Variants in EPHB1 observed in about 807,000 individuals in gnomAD.
EPHB1 encodes the protein EPH receptor B1.
In EPHB1, 30 loss-of-function variants were observed where a neutral mutation model predicts 94.4. The ratio of observed to expected loss-of-function variants is 0.32; its 90% CI spans 0.24 to 0.43. The LOEUF is 0.43. Among genes scored for constraint, EPHB1 ranks in the 20% least tolerant of loss-of-function variants. EPHB1 has a pLI of 1.00. For missense variants in EPHB1, 1,055 were observed against 1,308.3 expected (o/e 0.81, Z 2.99); for synonymous variants, 522 against 489.1 (o/e 1.07, Z -0.89).
At chr3:135,056,656 T>C (rs1937358613) in intron 3 of EPHB1, among the ~76,000 whole-genome samples, 1 of 152,270 alleles carries the variant, frequency 6.6e-6, no homozygotes, top group African/African-American at 2.4e-5. Flanking sequence ...GTTAAATTCA[T>C]CTCTCTATTC....
At chr3:134,819,885 C>T (rs2036348462) in intron 1 of EPHB1, among the ~76,000 whole-genome samples, 2 of 152,198 alleles carry the variant, frequency 1.3e-5, no homozygotes, top group African/African-American at 2.4e-5. Flanking sequence ...TGGGTGGGCC[C>T]AGCGCAGGGG....
In EPHB1 at chr3:135,085,688, A is replaced by C. The variant is rs373479613; in HGVS notation, c.806-20760A>C. On this transcript the variant is annotated intron_variant, in intron 3 of 15. Transcript: ENST00000398015. ...TGCCCAGTGTTCCTCAGCACACACA[A>C]AGCTCACAGCCATGAGGCAGCTGGG... 1.9e-3 allele frequency among the ~76,000 whole-genome samples: 287 copies of C among 152,244 alleles called. 4 individuals are homozygous for C. The highest frequency in any genetic ancestry group is 6.7e-3 in the African/African-American group (278 of 41,544).
At chr3:135,253,351 A>C (rs1485479169) in intron 15 of EPHB1, among the ~76,000 whole-genome samples, 1 of 149,810 alleles carries the variant, frequency 6.7e-6, no homozygotes, top group African/African-American at 2.4e-5. Context: ...TTTAGGTCTA[A>C]CATTTAAGTC....
chr3:135,122,913 G>A (rs1489108982), intron 4 of EPHB1, among the ~76,000 whole-genome samples: 2 of 152,184 alleles, frequency 1.3e-5, no homozygotes, highest in Non-Finnish European at 2.9e-5. Context: ...TACAGGCCCA[G>A]TGTTTCCAAG....
At chr3:135,187,524 C>G (rs1942358041) in intron 10 of EPHB1, among the ~76,000 whole-genome samples, 1 of 152,136 alleles carries the variant, frequency 6.6e-6, no homozygotes, top group African/African-American at 2.4e-5. Context: ...CTTGTAGATA[C>G]TATATTAAAC....
chr3:134,872,063 T>C (rs56995571), intron 1 of EPHB1, among the ~76,000 whole-genome samples: 4,785 of 152,296 alleles, frequency 0.031, 255 homozygotes, highest in African/African-American at 0.11. Flanking sequence ...GATACTTTTT[T>C]GCTGTAAATT....
intron 12 of EPHB1, among the ~76,000 whole-genome samples, chr3:135,228,465 T>C (rs1245880575): frequency 6.6e-6 from 1 of 152,166 alleles, no homozygotes; most frequent in Non-Finnish European, 1.5e-5. Context: ...CTTTTGCCAA[T>C]TTATATTCTT....
At chr3:135,029,552 C>G (rs988627826) in intron 3 of EPHB1, among the ~76,000 whole-genome samples, 2 of 148,548 alleles carry the variant, frequency 1.3e-5, no homozygotes, top group African/African-American at 4.9e-5. Flanking sequence ...AATATTGGCC[C>G]CCACTCTCTT....
intron 4 of EPHB1, among the ~76,000 whole-genome samples, chr3:135,129,497 G>C (rs1940342879): frequency 6.6e-6 from 1 of 152,230 alleles, no homozygotes; most frequent in Non-Finnish European, 1.5e-5. Context: ...TCACGCTGGA[G>C]AGGGGTATAT....
chr3:134,960,069 T>TCC (rs1377839353), intron 3 of EPHB1, among the ~76,000 whole-genome samples: 1 of 142,540 alleles, frequency 7.0e-6, no homozygotes, highest in Non-Finnish European at 1.5e-5. Flanking sequence ...TTATACTGAA[T>TCC]CCAAGCCTGC....
intron 12 of EPHB1, among the ~76,000 whole-genome samples, chr3:135,237,069 C>T (rs1943673500): frequency 6.6e-6 from 1 of 152,102 alleles, no homozygotes; most frequent in South Asian, 2.1e-4. Context: ...ATGTCCCCAG[C>T]AGGGTACTGA....
chr3:135,240,518 G>C (rs1943755753), intron 12 of EPHB1, among the ~76,000 whole-genome samples: 1 of 152,164 alleles, frequency 6.6e-6, no homozygotes, highest in African/African-American at 2.4e-5. Flanking sequence ...CCACTGAAGG[G>C]CTGGCAGGAC....
At chr3:135,225,517 A>C (rs1212846466) in intron 12 of EPHB1, among the ~76,000 whole-genome samples, 1 of 152,224 alleles carries the variant, frequency 6.6e-6, no homozygotes, top group African/African-American at 2.4e-5. Context: ...CGAGGCTCGC[A>C]GTTCATTAGC....
intron 1 of EPHB1, among the ~76,000 whole-genome samples, chr3:134,900,720 CAT>C (rs1491546520): frequency 6.6e-6 from 1 of 151,728 alleles, no homozygotes; most frequent in Middle Eastern, 3.4e-3. Flanking sequence ...GACCTGGGTG[CAT>C]GTGTGTGTGT....
intron 1 of EPHB1, among the ~76,000 whole-genome samples, chr3:134,860,150 G>GACACAC (rs10642036): frequency 0.012 from 1,752 of 142,912 alleles, 40 homozygotes; most frequent in African/African-American, 0.042. Context: ...AGAAGGAAGG[G>GACACAC]ACACACACAC....
intron 13 of EPHB1, among the ~76,000 whole-genome samples, chr3:135,243,442 G>GTTTTA (rs1943843480): frequency 2.6e-5 from 4 of 152,172 alleles, no homozygotes; most frequent in Admixed American, 2.6e-4. Flanking sequence ...TTTGAGATGG[G>GTTTTA]TCTCAGAGGG....
intron 3 of EPHB1, among the ~76,000 whole-genome samples, chr3:135,047,768 A>T (rs1202896933): frequency 1.3e-5 from 2 of 152,232 alleles, no homozygotes; most frequent in Admixed American, 6.5e-5. Context: ...GAACAGAAGC[A>T]GTTTTCCATC....
At chr3:134,984,614 C>A (rs1275046110) in intron 3 of EPHB1, among the ~76,000 whole-genome samples, 1 of 151,166 alleles carries the variant, frequency 6.6e-6, no homozygotes, top group Non-Finnish European at 1.5e-5. Context: ...CTCACCTGGG[C>A]CCCAGAGAGG....
intron 3 of EPHB1, among the ~76,000 whole-genome samples, chr3:135,019,776 C>A (rs1422321252): frequency 2.0e-5 from 3 of 152,180 alleles, no homozygotes; most frequent in Middle Eastern, 3.2e-3. Context: ...ATTTAACCAT[C>A]TCCTCCTTTT....
Sources: gnomAD v4.1 joint callset for allele counts (sites outside exome capture counted in the v4.1 genomes callset) on GRCh38, gnomAD v4.1.1 for gene constraint, MANE v1.5 for transcripts, NCBI Gene and HGNC (gene_info 2026-07-23, HGNC 2026-07-21) for gene names.